NSMF: variants seen among roughly 807,000 people sequenced by gnomAD.
NSMF encodes nasal embryonic LHRH factor.
NSMF carries 31 observed loss-of-function variants against 71.0 expected under a neutral mutation model. The observed-to-expected ratio is 0.44, with a 90% CI of 0.33 to 0.59. The LOEUF (loss-of-function observed/expected upper bound fraction) is 0.59, where lower values mean the gene tolerates loss of function less well. NSMF is among the 20% of genes least tolerant of loss of function. The pLI is 0.04. For missense variants in NSMF, 673 were observed against 740.5 expected, an observed-to-expected ratio of 0.91 and a Z score of 1.06; for synonymous variants, 345 against 287.1, an observed-to-expected ratio of 1.20 and a Z score of -2.04.
In NSMF at chr9:137,449,361, G is replaced by A; in HGVS notation, c.*33C>T. On this transcript the variant is annotated 3_prime_UTR_variant, in exon 16 of 16. Transcript: ENST00000371475. The stretch of plus-strand genomic sequence containing the variant: ...CCCAGGTCCCGGTGCAGAGGGAGTG[G>A]CCTGATGGTGACTGGGCGGAGGCCT... 1 of 1,569,754 alleles carries A rather than the reference G, an allele frequency of 6.4e-7. No homozygotes were observed. The highest frequency in any genetic ancestry group is 8.8e-7 in the Non-Finnish European group (1 of 1,141,770).
Position 137,456,498 on chromosome 9 carries a change from A to G in NSMF, c.629-12T>C. The G allele has an allele frequency of 6.3e-7, 1 of 1,594,880 alleles. No homozygotes were observed. The highest frequency in any genetic ancestry group is 1.7e-4 in the Middle Eastern group (1 of 6,034). ...AATAGGGATGTCGTCTAAGAGAGAC[A>G]AAAAGGAGCGGTGGCTGGGTGAAGT... On this transcript the variant is annotated splice_polypyrimidine_tract_variant and intron_variant, in intron 3 of 15. Coordinates refer to ENST00000371475, the MANE Select transcript of NSMF (RefSeq NM_001130969.3).
intron 3 of NSMF, 104 bp from the exon 4 acceptor site, chr9:137,456,590 A>C: frequency 1.2e-4 from 72 of 610,264 alleles, no homozygotes; most frequent in East Asian, 3.1e-4. Context: ...GGTCAGCAGA[A>C]GCTGGCAGCC....
intron 1 of NSMF, 83 bp from the exon 2 acceptor site, chr9:137,458,632 C>G (rs889081828): frequency 2.3e-6 from 3 of 1,315,912 alleles, no homozygotes; most frequent in Non-Finnish European, 2.1e-6. Context: ...GGGGTCCGGT[C>G]CCCAGCCAGG....
At position 137,448,287 on chromosome 9, in the gene NSMF, C is replaced by T. The variant is rs1164189415; in HGVS notation, c.*1107G>A. ...TATCGTACATCGTTCCAAGCCCGGC[C>T]CCCGCCCCAGCCCTCCCTCAGCTGG... On this transcript the variant is annotated 3_prime_UTR_variant, in exon 16 of 16. Transcript: ENST00000371475. This position sits in a 1 kb window ranked among gnomAD's most constrained non-coding sequence, Gnocchi z 5.3. The T allele has an allele frequency of 6.6e-6, 1 of 152,642 alleles. No individual in the cohort carries two copies. The highest frequency in any genetic ancestry group is 2.4e-5 in the African/African-American group (1 of 41,440). 9.5% of individuals were successfully genotyped at this position (152,642 alleles called of 1,614,324 possible). A position where few individuals can be genotyped will look rare whatever the true frequency, so the allele number is the denominator to read the frequency against.
chr9:137,453,356 C>T lies in NSMF; in HGVS notation c.923-176G>A. On this transcript the variant is annotated intron_variant, in intron 8 of 15. Transcript: ENST00000371475. The surrounding 1 kb of genome is among the most constrained non-coding windows in gnomAD (Gnocchi z 4.5). ...GGACAGGCCTGTGGACACCACTGGG[C>T]AGCGGCCTGATGTGGGAAGGGAGAC... 2 of 843,700 alleles carry T rather than the reference C, an allele frequency of 2.4e-6. No homozygotes were observed. The highest frequency in any genetic ancestry group is 1.6e-5 in the South Asian group (1 of 61,042). 52.3% of individuals were successfully genotyped at this position (843,700 alleles called of 1,614,324 possible). A position where few individuals can be genotyped will look rare whatever the true frequency, so the allele number is the denominator to read the frequency against.
In NSMF at chr9:137,453,700, G is replaced by T; in HGVS notation, c.922+31C>A. ...TCTGGGGTCTAGGGGAGGCTCTGGGGAAGGTGGGCGGGCCTGTGCGGGGCA... is the reference window on the plus strand; with the variant it reads ...TCTGGGGTCTAGGGGAGGCTCTGGGTAAGGTGGGCGGGCCTGTGCGGGGCA... On this transcript the variant is annotated intron_variant, in intron 8 of 15. Coordinates refer to ENST00000371475, the MANE Select transcript of NSMF (RefSeq NM_001130969.3). This position sits in a 1 kb window ranked among gnomAD's most constrained non-coding sequence, Gnocchi z 4.5. 1 of 1,557,562 alleles carries T rather than the reference G, an allele frequency of 6.4e-7. No individual in the cohort carries two copies.
chr9:137,452,303 T>C (rs1191037916), intron 12 of NSMF, 62 bp downstream of exon 12: 2 of 1,100,110 alleles, frequency 1.8e-6, no homozygotes, highest in African/African-American at 2.1e-5. Flanking sequence ...CTTCTTCCCC[T>C]TGGTCTTCCC....
chr9:137,449,740 G>C (rs1183973021), intron 14 of NSMF, 66 bp from the exon 15 acceptor site: 2 of 1,461,450 alleles, frequency 1.4e-6, no homozygotes, highest in Non-Finnish European at 1.9e-6. Flanking sequence ...GGGAGGAGAT[G>C]GGGAGCAGGG....
At chr9:137,458,607 G>T in intron 1 of NSMF, 58 bp from the exon 2 acceptor site, 3 of 1,495,688 alleles carry the variant, frequency 2.0e-6, no homozygotes, top group Non-Finnish European at 1.8e-6. Context: ...CAAACACCGG[G>T]CCGCGCAAGA....
chr9:137,448,957 CAT>C lies in NSMF; in HGVS notation c.*435_*436del. The C allele has an allele frequency of 6.3e-6, 2 of 319,538 alleles. No homozygotes were observed. The highest frequency in any genetic ancestry group is 6.1e-6 in the Non-Finnish European group (1 of 163,210). 19.8% of individuals were successfully genotyped at this position (319,538 alleles called of 1,614,324 possible). A position where few individuals can be genotyped will look rare whatever the true frequency, so the allele number is the denominator to read the frequency against. On this transcript the variant is annotated 3_prime_UTR_variant, in exon 16 of 16. Transcript: ENST00000371475. The surrounding 1 kb of genome is among the most constrained non-coding windows in gnomAD (Gnocchi z 5.3). ...GGGTGGGCAGGGAGGGTCCTGAACACATGTGGGCTGCTGGGCTGCTGGGCCGG... is the reference window on the plus strand; with the variant it reads ...GGGTGGGCAGGGAGGGTCCTGAACACGTGGGCTGCTGGGCTGCTGGGCCGG...
intron 1 of NSMF, 96 bp downstream of exon 1, chr9:137,458,936 G>C (rs868818464): frequency 5.0e-6 from 5 of 1,000,836 alleles, no homozygotes; most frequent in Non-Finnish European, 5.4e-6. Flanking sequence ...AGAGGCCGGG[G>C]CCCGGGAGCC....
At position 137,458,351 on chromosome 9, in the gene NSMF, T is replaced by C. The variant is rs1362982964; in HGVS notation, c.133+137A>G. 7.7e-6 allele frequency: 6 copies of C among 779,766 alleles called. No homozygotes were observed. The African/African-American group carries it at 8.6e-5, about 11-fold the overall frequency. 48.3% of individuals were successfully genotyped at this position (779,766 alleles called of 1,614,324 possible). On this transcript the variant is annotated intron_variant, in intron 2 of 15. Transcript: ENST00000371475. ...GGGCTCGGGCAGGGAGGGCAGGGGA[T>C]GTAAGGAAGCCAGGCCGGCAGGGCG...
intron 2 of NSMF, 22 bp from the exon 3 acceptor site, chr9:137,457,923 C>T (rs1830927392): frequency 6.5e-7 from 1 of 1,538,416 alleles, no homozygotes; most frequent in Non-Finnish European, 8.7e-7. Context: ...ACTGAGTGAG[C>T]CTGCCTGCCG....
chr9:137,450,238 G>A lies in NSMF; in HGVS notation c.1254C>T (p.Leu418=). The A allele has an allele frequency of 6.2e-7, 1 of 1,613,360 alleles. No individual in the cohort carries two copies. Among genetic ancestry groups the A allele is most frequent in the Non-Finnish European group, 8.5e-7 (1 of 1,179,802 alleles). The change falls in exon 13 of 16, where the codon CTC becomes CTT. Residue 418 remains leucine, a synonymous_variant. Transcript: ENST00000371475. Reference sequence around the variant, plus strand: ...TGGCCACCTTGTTCTTGAGGAGATAGAGGTGTCCAGGACCTCCCTGTAAGA... The same window carrying A: ...TGGCCACCTTGTTCTTGAGGAGATAAAGGTGTCCAGGACCTCCCTGTAAGA... ...LIFCQGGPGH[L]YLLKNKVATF... is the part of the protein sequence containing the mutation.
intron 10 of NSMF, 26 bp downstream of exon 10, chr9:137,452,709 TG>T (rs1183855164): frequency 1.2e-6 from 2 of 1,603,954 alleles, no homozygotes; most frequent in South Asian, 1.1e-5. Flanking sequence ...GGGCATCTGT[TG>T]GGGGCAGGCC....
rs988071404 is a variant in NSMF, at chr9:137,453,242, C to A, written c.923-62G>T. On this transcript the variant is annotated intron_variant, in intron 8 of 15. Transcript: ENST00000371475. This position sits in a 1 kb window ranked among gnomAD's most constrained non-coding sequence, Gnocchi z 4.5. ...GCAGCACCTCCTATCCTGGCCATGG[C>A]CCCAAGGCCCACAGGGCCCGAAAGC... 2.3e-5 allele frequency: 37 copies of A among 1,604,552 alleles called. 1 individual carries two copies. In the East Asian group the frequency reaches 6.5e-4, roughly 28 times the overall value.
rs1839669539 is a variant in NSMF, at chr9:137,447,656, G to A, written c.*1738C>T. 1 of 150,388 alleles carries A rather than the reference G, an allele frequency of 6.6e-6. No individual in the cohort carries two copies. Among genetic ancestry groups the A allele is most frequent in the Non-Finnish European group, 1.5e-5 (1 of 67,676 alleles). The allele number at this position is 150,388 out of a possible 1,614,324, so 9.3% of individuals were successfully genotyped here. ...ACCCCATCTAGAATGCCCTGGAAGA[G>A]CTGGAGGTGGCTGACGGCTGTGTGA... On this transcript the variant is annotated 3_prime_UTR_variant, in exon 16 of 16. Coordinates refer to ENST00000371475, the MANE Select transcript of NSMF (RefSeq NM_001130969.3).
At chr9:137,455,038 C>T (rs1017255640) in intron 6 of NSMF, 7 of 736,130 alleles carry the variant, frequency 9.5e-6, no homozygotes, top group South Asian at 3.0e-5. Flanking sequence ...CACGTGCCCT[C>T]GGAGTGCAGG....
chr9:137,458,306 G>A (rs978824618), intron 2 of NSMF, among the ~76,000 whole-genome samples, 182 bp downstream of exon 2: 1 of 152,162 alleles, frequency 6.6e-6, no homozygotes, highest in Non-Finnish European at 1.5e-5. Context: ...ATGGTGACGA[G>A]CGGCTGGGAA....
Sources: allele counts gnomAD v4.1 joint callset (sites outside exome capture counted in the v4.1 genomes callset), GRCh38; gene constraint gnomAD v4.1.1; non-coding constraint Gnocchi (gnomAD v3.1); transcripts MANE v1.5; gene names NCBI Gene and HGNC (gene_info 2026-07-23, HGNC 2026-07-21).